Variants in OGDH observed in about 807,000 individuals in gnomAD.
The protein encoded by OGDH is oxoglutarate dehydrogenase, also known as 2-oxoglutarate dehydrogenase complex component E1.
A neutral mutation model predicts 116.6 loss-of-function variants in OGDH; 38 were observed. The ratio of observed to expected loss-of-function variants is 0.33; its 90% CI spans 0.25 to 0.43. OGDH has a LOEUF of 0.43. Ranked by LOEUF, OGDH falls within the 20% of genes least tolerant of loss-of-function variation. The pLI, the probability that OGDH is intolerant of heterozygous loss-of-function variation, is 1.00. For synonymous variants in OGDH, 488 were observed against 533.3 expected, an observed-to-expected ratio of 0.92 and a Z score of 1.17; for missense variants, 825 against 1,357.2, an observed-to-expected ratio of 0.61 and a Z score of 6.16.
chr7:44,646,123 A>C (rs114683620), intron 3 of OGDH, among the ~76,000 whole-genome samples: 131 of 152,230 alleles, frequency 8.6e-4, no homozygotes, highest in Middle Eastern at 6.8e-3. Context: ...ACAATAACCA[A>C]AGTTTTTCTA....
At chr7:44,703,640 AACCTGG>A (rs1186105546) in intron 20 of OGDH, among the ~76,000 whole-genome samples, 1 of 152,084 alleles carries the variant, frequency 6.6e-6, no homozygotes, top group Non-Finnish European at 1.5e-5. Context: ...GAATTGCTTG[AACCTGG>A]GAGGCAGAGG....
intron 4 of OGDH, among the ~76,000 whole-genome samples, chr7:44,652,732 C>G (rs1475086252): frequency 2.0e-5 from 3 of 152,178 alleles, no homozygotes; most frequent in African/African-American, 7.2e-5. Flanking sequence ...TCTCTTCACT[C>G]ACATTCCATA....
chr7:44,707,642 C>T lies in OGDH; in HGVS notation c.2857C>T (p.Leu953=). The T allele has an allele frequency of 6.2e-7, 1 of 1,614,184 alleles. No individual in the cohort carries two copies. Among genetic ancestry groups the T allele is most frequent in the Non-Finnish European group, 8.5e-7 (1 of 1,180,042 alleles). ...KEVQKYPNAE[L]AWCQEEHKNQ... ...GGTGCAGAAGTACCCCAATGCTGAG[C>T]TGGCCTGGTGCCAGGAGGAGCACAA... is the stretch of plus-strand genomic sequence containing the variant. The change falls in exon 22 of 23, where the codon CTG becomes TTG. Residue 953 remains leucine, a synonymous_variant. Coordinates refer to ENST00000222673, the MANE Select transcript of OGDH (RefSeq NM_002541.4). The surrounding 1 kb of genome is among the most constrained non-coding windows in gnomAD (Gnocchi z 5.2).
chr7:44,624,525 T>G lies in OGDH; in HGVS notation c.182T>G (p.Met61Arg), dbSNP rs1297684018. Residue 61 changes from methionine (M) to arginine (R), a missense_variant, in exon 2 of 23, where the codon ATG (methionine) becomes AGG (arginine). Physicochemically the swap from Met to Arg is moderately conservative, Grantham distance 91. Around this residue, in one of 7 missense-constraint regions of OGDH, gnomAD observed 126 missense variants for 130.4 expected, o/e 0.97. Coordinates refer to ENST00000222673, the MANE Select transcript of OGDH (RefSeq NM_002541.4). The stretch of plus-strand genomic sequence containing the variant: ...ACTAGTTCGAACTATGTGGAGGAGA[T>G]GTACTGTGCTTGGCTGGAAAACCCC... ...SGTSSNYVEE[M>R]YCAWLENPKS... 1 of 1,613,904 alleles carries G rather than the reference T, an allele frequency of 6.2e-7. No individual in the cohort carries two copies. Among genetic ancestry groups the G allele is most frequent in the Non-Finnish European group, 8.5e-7 (1 of 1,180,008 alleles).
chr7:44,700,084 G>A lies in OGDH; in HGVS notation c.2431-57G>A, dbSNP rs967885130. ...CTAGATCACCTGAGGGCCCCCACATGCCCCAGAAGACTCAGTGCTGTGTCC... is the reference window on the plus strand; with the variant it reads ...CTAGATCACCTGAGGGCCCCCACATACCCCAGAAGACTCAGTGCTGTGTCC... On this transcript the variant is annotated intron_variant, in intron 18 of 22. Transcript: ENST00000222673. 70 of 1,586,668 alleles carry A rather than the reference G, an allele frequency of 4.4e-5. 1 individual carries two copies. The East Asian group carries it at 1.5e-3, about 34-fold the overall frequency.
intron 4 of OGDH, among the ~76,000 whole-genome samples, chr7:44,648,707 T>C (rs191718115): frequency 8.9e-4 from 136 of 152,292 alleles, no homozygotes; most frequent in Non-Finnish European, 1.6e-3. Context: ...CTAAGTTATG[T>C]CTAGGGGATG....
intron 2 of OGDH, among the ~76,000 whole-genome samples, chr7:44,635,776 C>T (rs1024882919): frequency 1.3e-5 from 2 of 151,818 alleles, no homozygotes; most frequent in African/African-American, 2.4e-5. Flanking sequence ...ACGATCTCGG[C>T]CCACTGCAAC....
At chr7:44,612,391 T>C (rs969896536) in intron 1 of OGDH, among the ~76,000 whole-genome samples, 1 of 152,188 alleles carries the variant, frequency 6.6e-6, no homozygotes, top group Admixed American at 6.5e-5. Flanking sequence ...GCCTTTCTTT[T>C]TTTTTTCTTG....
chr7:44,651,648 G>A (rs189561783), intron 4 of OGDH, among the ~76,000 whole-genome samples: 2 of 151,960 alleles, frequency 1.3e-5, no homozygotes, highest in Non-Finnish European at 2.9e-5. Context: ...TGCACTCTCC[G>A]CCTCCCGGGT....
At chr7:44,646,913 T>G (rs1245788564) in intron 3 of OGDH, among the ~76,000 whole-genome samples, 4 of 152,216 alleles carry the variant, frequency 2.6e-5, no homozygotes, top group Non-Finnish European at 5.9e-5. Context: ...GGCCAACACT[T>G]AAGCCTTCAT....
chr7:44,683,410 G>A (rs955427903), intron 10 of OGDH, among the ~76,000 whole-genome samples: 3 of 151,624 alleles, frequency 2.0e-5, no homozygotes, highest in African/African-American at 4.8e-5. Flanking sequence ...TTTTTATTTT[G>A]TGTAGAGGCG....
At chr7:44,685,421 A>G (rs1371340466) in intron 10 of OGDH, among the ~76,000 whole-genome samples, 1 of 152,208 alleles carries the variant, frequency 6.6e-6, no homozygotes, top group Non-Finnish European at 1.5e-5. Flanking sequence ...CTCAAGGTCC[A>G]TCCACGTTAT....
At chr7:44,663,173 T>C (rs1400301455) in intron 4 of OGDH, among the ~76,000 whole-genome samples, 6 of 152,248 alleles carry the variant, frequency 3.9e-5, no homozygotes, top group Non-Finnish European at 5.9e-5. Flanking sequence ...TCTTCAAATA[T>C]ACTGATTCTC....
intron 20 of OGDH, among the ~76,000 whole-genome samples, chr7:44,704,331 A>T (rs1788970614): frequency 6.6e-6 from 1 of 152,026 alleles, no homozygotes; most frequent in Non-Finnish European, 1.5e-5. Context: ...TCATATGCTT[A>T]TTGGCCACTT....
chr7:44,626,282 G>C (rs1007273435), intron 2 of OGDH, among the ~76,000 whole-genome samples: 8 of 134,592 alleles, frequency 5.9e-5, no homozygotes, highest in African/African-American at 2.1e-4. Flanking sequence ...GCAGATTGTG[G>C]CAGATTTCAC....
chr7:44,635,464 A>G (rs1008440025), intron 2 of OGDH, among the ~76,000 whole-genome samples: 1 of 152,108 alleles, frequency 6.6e-6, no homozygotes, highest in Non-Finnish European at 1.5e-5. Flanking sequence ...TATTTAGACA[A>G]GGTGGCAGTA....
intron 9 of OGDH, among the ~76,000 whole-genome samples, chr7:44,676,961 A>G (rs1444009754): frequency 6.6e-6 from 1 of 152,110 alleles, no homozygotes; most frequent in Non-Finnish European, 1.5e-5. Context: ...GAGGGCACAG[A>G]CTGCAGGCAG....
intron 14 of OGDH, 143 bp downstream of exon 14, chr7:44,696,700 T>C: frequency 7.7e-7 from 1 of 1,294,770 alleles, no homozygotes; most frequent in Non-Finnish European, 1.1e-6. Flanking sequence ...CTGGGGTGGT[T>C]GGATGGAGCC....
intron 2 of OGDH, among the ~76,000 whole-genome samples, chr7:44,634,130 T>A (rs1050353327): frequency 5.9e-5 from 9 of 152,204 alleles, no homozygotes; most frequent in African/African-American, 1.4e-4. Flanking sequence ...CATGAAGGCC[T>A]CTGATGTGTC....
Sources: allele counts gnomAD v4.1 joint callset (sites outside exome capture counted in the v4.1 genomes callset), GRCh38; gene constraint gnomAD v4.1.1; regional missense constraint gnomAD v4.1.1; non-coding constraint Gnocchi (gnomAD v3.1); transcripts MANE v1.5; gene names NCBI Gene and HGNC (gene_info 2026-07-23, HGNC 2026-07-21).